ELP4: variants seen among roughly 807,000 people sequenced by gnomAD.
The protein encoded by ELP4 is elongator complex protein 4.
A neutral mutation model predicts 48.9 loss-of-function variants in ELP4; 51 were observed. The observed-to-expected ratio is 1.04, with a 90% CI of 0.83 to 1.32. The LOEUF (loss-of-function observed/expected upper bound fraction) is 1.32. ELP4 is among the 40% of genes most tolerant of loss of function. ELP4 has a pLI of 0.00. For missense variants in ELP4, 519 were observed against 514.6 expected (o/e 1.01, Z -0.08); for synonymous variants, 210 against 189.2 (o/e 1.11, Z -0.90).
chr11:31,721,267 C>T (rs979032440), intron 9 of ELP4, among the ~76,000 whole-genome samples: 4 of 152,084 alleles, frequency 2.6e-5, no homozygotes, highest in Admixed American at 6.5e-5. Flanking sequence ...GACATGTCAG[C>T]GTGTGTAAAT....
chr11:31,763,972 T>C (rs1028585377), intron 9 of ELP4, among the ~76,000 whole-genome samples: 3 of 152,212 alleles, frequency 2.0e-5, no homozygotes, highest in African/African-American at 7.2e-5. Flanking sequence ...TCTATAGTTA[T>C]TGATAATAAG....
chr11:31,591,015 G>A (rs1200437058), intron 3 of ELP4, among the ~76,000 whole-genome samples: 2 of 152,080 alleles, frequency 1.3e-5, no homozygotes, highest in African/African-American at 2.4e-5. Flanking sequence ...CAGTGTCCAA[G>A]GAGAAAATAT....
chr11:31,542,177 A>T (rs1300513549), intron 3 of ELP4, among the ~76,000 whole-genome samples: 1 of 152,224 alleles, frequency 6.6e-6, no homozygotes, highest in Non-Finnish European at 1.5e-5. Context: ...AAAACAAAGA[A>T]GGCAAACCCT....
intron 4 of ELP4, among the ~76,000 whole-genome samples, chr11:31,595,147 A>G (rs1957650029): frequency 6.6e-6 from 1 of 152,270 alleles, no homozygotes; most frequent in Non-Finnish European, 1.5e-5. Flanking sequence ...TAGAGTTGCA[A>G]GACAGAGTAA....
intron 5 of ELP4, among the ~76,000 whole-genome samples, chr11:31,617,970 C>T (rs532008748): frequency 6.6e-6 from 1 of 151,958 alleles, no homozygotes; most frequent in East Asian, 1.9e-4. Context: ...TAGGTATATC[C>T]CCAAGAGGAT....
chr11:31,560,918 G>T (rs1341381417), intron 3 of ELP4, among the ~76,000 whole-genome samples: 1 of 151,742 alleles, frequency 6.6e-6, no homozygotes, highest in Non-Finnish European at 1.5e-5. Context: ...ACATTAATAG[G>T]CTGTACAGGT....
chr11:31,732,333 C>G (rs1402101434), intron 9 of ELP4, among the ~76,000 whole-genome samples: 4 of 151,844 alleles, frequency 2.6e-5, no homozygotes, highest in African/African-American at 4.8e-5. Flanking sequence ...TTTGTATGCA[C>G]TTGAAGTTAA....
At chr11:31,601,515 C>G (rs1440910471) in intron 4 of ELP4, among the ~76,000 whole-genome samples, 1 of 151,986 alleles carries the variant, frequency 6.6e-6, no homozygotes, top group African/African-American at 2.4e-5. Context: ...TGTAAACTGT[C>G]TCAGCATGAA....
At chr11:31,664,124 T>G (rs1945620755) in intron 9 of ELP4, 1 of 152,170 alleles carries the variant, frequency 6.6e-6, no homozygotes, top group African/African-American at 2.4e-5. Context: ...TTTCAAATTC[T>G]GTTTAATATA....
At chr11:31,591,802 T>C (rs1957582430) in intron 3 of ELP4, among the ~76,000 whole-genome samples, 1 of 152,118 alleles carries the variant, frequency 6.6e-6, no homozygotes, top group Non-Finnish European at 1.5e-5. Flanking sequence ...AAAGTTTGTG[T>C]GTGAATATTT....
intron 9 of ELP4, among the ~76,000 whole-genome samples, chr11:31,685,900 C>T (rs1013989615): frequency 6.6e-6 from 1 of 150,740 alleles, no homozygotes; most frequent in Admixed American, 6.6e-5. Flanking sequence ...CACTGCACTC[C>T]AGCCTGGACA....
chr11:31,752,557 G>A (rs182807366), intron 9 of ELP4, among the ~76,000 whole-genome samples: 6 of 152,150 alleles, frequency 3.9e-5, no homozygotes, highest in African/African-American at 7.2e-5. Context: ...CTGGAAGGCC[G>A]GGTGCGGTGG....
rs946842762 is a variant in ELP4 at position 31,706,876 on chromosome 11, C to T, written c.1143+56655C>T. 5.1e-5 allele frequency: 20 copies of T among 393,598 alleles called. 1 individual carries two copies. The Admixed American group carries it at 7.1e-4, about 14-fold the overall frequency. 24.4% of individuals were successfully genotyped at this position (393,598 alleles called of 1,614,324 possible). A position where few individuals can be genotyped will look rare whatever the true frequency, so the allele number is the denominator to read the frequency against. On this transcript the variant is annotated intron_variant, in intron 9 of 9. Transcript: ENST00000640961. ...GGCTTATTTCACTTAATATAATGTC[C>T]TCCAGTTCCATCCACATTGCTGCAA...
intron 9 of ELP4, among the ~76,000 whole-genome samples, chr11:31,690,924 T>C (rs1212853862): frequency 1.3e-5 from 2 of 151,806 alleles, no homozygotes. Flanking sequence ...TAGAAACAAT[T>C]TTATACTTCC....
intron 2 of ELP4, among the ~76,000 whole-genome samples, chr11:31,539,278 C>G (rs1956554758): frequency 6.6e-6 from 1 of 152,170 alleles, no homozygotes. Flanking sequence ...TCCTGGCTAA[C>G]ACAGTGAAAC....
chr11:31,629,317 C>T (rs971182597), intron 6 of ELP4, among the ~76,000 whole-genome samples: 21 of 151,836 alleles, frequency 1.4e-4, no homozygotes, highest in Admixed American at 9.9e-4. Flanking sequence ...TCTTATGCCA[C>T]ACAGTATGCC....
At chr11:31,681,884 G>C in intron 9 of ELP4, 1 of 276,206 alleles carries the variant, frequency 3.6e-6, no homozygotes, top group Non-Finnish European at 7.2e-6. Flanking sequence ...GGGATTACAG[G>C]CGCCCACCAC....
intron 3 of ELP4, among the ~76,000 whole-genome samples, chr11:31,570,306 G>A (rs1957173762): frequency 6.6e-6 from 1 of 152,044 alleles, no homozygotes; most frequent in East Asian, 1.9e-4. Context: ...AAAACATCAG[G>A]TACACATGGA....
At chr11:31,753,496 A>G (rs945835041) in intron 9 of ELP4, among the ~76,000 whole-genome samples, 1 of 152,208 alleles carries the variant, frequency 6.6e-6, no homozygotes, top group African/African-American at 2.4e-5. Flanking sequence ...TAAGTTGGCA[A>G]AGAAGTAAGA....
Sources: allele counts gnomAD v4.1 joint callset (sites outside exome capture counted in the v4.1 genomes callset), GRCh38; gene constraint gnomAD v4.1.1; transcripts MANE v1.5; gene names NCBI Gene and HGNC (gene_info 2026-07-23, HGNC 2026-07-21).